Variants in KIF3B observed in about 807,000 individuals in gnomAD.
KIF3B encodes kinesin family member 3B, also known as kinesin-like protein KIF3B.
KIF3B carries 38 observed loss-of-function variants against 74.3 expected under a neutral mutation model. The observed-to-expected ratio is 0.51, with a 90% CI of 0.39 to 0.67. The LOEUF is 0.67. Ranked by LOEUF, KIF3B falls within the 30% of genes least tolerant of loss-of-function variation. KIF3B has a pLI of 0.00. For synonymous variants in KIF3B, 326 were observed against 342.5 expected, an observed-to-expected ratio of 0.95 and a Z score of 0.53; for missense variants, 649 against 932.0, an observed-to-expected ratio of 0.70 and a Z score of 3.95.
At chr20:32,293,961 T>C (rs976691149) in intron 1 of KIF3B, among the ~76,000 whole-genome samples, 62 of 152,184 alleles carry the variant, frequency 4.1e-4, no homozygotes, top group African/African-American at 1.5e-3. Context: ...TCGTGTAACC[T>C]TGGGCAAATT....
chr20:32,284,472 A>G (rs2047658454), intron 1 of KIF3B, among the ~76,000 whole-genome samples: 1 of 152,160 alleles, frequency 6.6e-6, no homozygotes, highest in African/African-American at 2.4e-5. Flanking sequence ...CAGATGTACC[A>G]TGTCCCCAGG....
intron 2 of KIF3B, among the ~76,000 whole-genome samples, chr20:32,315,720 T>A (rs987099745): frequency 1.3e-5 from 2 of 152,034 alleles, no homozygotes; most frequent in African/African-American, 4.8e-5. Flanking sequence ...CTTTAAAAAA[T>A]TTTAAAAAAT....
At chr20:32,285,792 C>T (rs375023090) in intron 1 of KIF3B, among the ~76,000 whole-genome samples, 1 of 152,170 alleles carries the variant, frequency 6.6e-6, no homozygotes, top group Non-Finnish European at 1.5e-5. Flanking sequence ...TTCTCCCAGA[C>T]CTTTCGGGTG....
chr20:32,315,522 T>C (rs927709373), intron 2 of KIF3B, among the ~76,000 whole-genome samples: 12 of 151,982 alleles, frequency 7.9e-5, no homozygotes, highest in African/African-American at 2.7e-4. Flanking sequence ...CCAGACAACA[T>C]AGCAAGATTT....
intron 5 of KIF3B, among the ~76,000 whole-genome samples, chr20:32,323,138 A>ATATATTTATATATT (rs59041472): frequency 2.0e-4 from 19 of 93,502 alleles, no homozygotes; most frequent in Non-Finnish European, 3.1e-4. Flanking sequence ...ATATATTTAC[A>ATATATTTATATATT]TATATTTATA....
chr20:32,305,248 G>A (rs2047764280), intron 1 of KIF3B, among the ~76,000 whole-genome samples: 1 of 151,860 alleles, frequency 6.6e-6, no homozygotes. Flanking sequence ...TATAGTCCCA[G>A]CTACTTGGGA....
At chr20:32,305,858 A>C (rs1366347756) in intron 1 of KIF3B, among the ~76,000 whole-genome samples, 1 of 151,520 alleles carries the variant, frequency 6.6e-6, no homozygotes, top group Non-Finnish European at 1.5e-5. Flanking sequence ...CTGGGATTAC[A>C]GGTGTGAGCC....
intron 5 of KIF3B, among the ~76,000 whole-genome samples, chr20:32,317,845 T>TA (rs2047836237): frequency 6.6e-6 from 1 of 152,116 alleles, no homozygotes; most frequent in South Asian, 2.1e-4. Context: ...CTCTCTATGT[T>TA]ACCTAAGCTG....
chr20:32,280,101 A>G lies in KIF3B; in HGVS notation c.-66+2336A>G, dbSNP rs896775832. On this transcript the variant is annotated intron_variant, in intron 1 of 8. Transcript: ENST00000375712. ...GTTTCCTCATCTGTAAAATGGGGATAGTAATAGGCCTTATTACCTGTGGCC... is the reference window on the plus strand; with the variant it reads ...GTTTCCTCATCTGTAAAATGGGGATGGTAATAGGCCTTATTACCTGTGGCC... 4.7e-4 allele frequency among the ~76,000 whole-genome samples: 71 copies of G among 152,352 alleles called. 1 individual carries two copies. Among genetic ancestry groups the G allele is most frequent in the African/African-American group, 1.6e-3 (68 of 41,588 alleles).
At chr20:32,292,543 GC>G (rs1265652844) in intron 1 of KIF3B, among the ~76,000 whole-genome samples, 1 of 137,634 alleles carries the variant, frequency 7.3e-6, no homozygotes, top group African/African-American at 2.8e-5. Flanking sequence ...TTTGAGACCA[GC>G]CTGGCCAACA....
Position 32,310,827 on chromosome 20 carries a change from C to T in KIF3B, c.1050C>T (p.Pro350=), listed in dbSNP as rs1251132208. ...ACAAACCAAGGGTCAATGAGGACCC[C>T]AAGGATGCCCTCCTTCGAGAATTCC... is the stretch of plus-strand genomic sequence containing the variant. The part of the protein sequence containing the change: ...IKNKPRVNED[P]KDALLREFQE... Residue 350 remains proline, a synonymous_variant, in exon 2 of 9, where the codon CCC becomes CCT. Coordinates refer to ENST00000375712, the MANE Select transcript of KIF3B (RefSeq NM_004798.4). The surrounding 1 kb of genome is among the most constrained non-coding windows in gnomAD (Gnocchi z 6.5). The T allele has an allele frequency of 6.2e-7, 1 of 1,613,906 alleles. No homozygotes were observed. The highest frequency in any genetic ancestry group is 1.6e-4 in the Middle Eastern group (1 of 6,084).
rs747405711 is a variant in KIF3B, at chr20:32,311,094, G to A, written c.1317G>A (p.Lys439=). Residue 439 remains lysine (K), a synonymous_variant, in exon 2 of 9, where the codon AAG becomes AAA. Transcript: ENST00000375712. ...ATCACAGCTTGGTTGCAGAGGAGAA[G>A]ATGAGGCTGCTGAAGGAGAAAGAGA... ...VEDHSLVAEE[K]MRLLKEKEKK... is the part of the protein sequence containing the mutation. 1.7e-5 allele frequency: 28 copies of A among 1,613,794 alleles called. No homozygotes were observed. Among genetic ancestry groups the A allele is most frequent in the Non-Finnish European group, 3.4e-6 (4 of 1,179,964 alleles).
rs879739181 is a variant in KIF3B, at chr20:32,305,750, A to ATT, written c.-65-3951_-65-3950dup. Among the ~76,000 whole-genome samples the ATT allele has an allele frequency of 3.6e-5, 5 of 138,740 alleles. No homozygotes were observed. In the East Asian group the frequency reaches 6.3e-4, roughly 18 times the overall value. The allele number at this position is 138,740 out of a possible 152,430, so 91.0% of individuals were successfully genotyped here. Reference sequence around the variant, plus strand: ...CCACCATGCCCGGCTAAATTTTTGTATTTTTTTTTTTTTAGTACAGATGGT... The same window carrying ATT: ...CCACCATGCCCGGCTAAATTTTTGTATTTTTTTTTTTTTTTAGTACAGATGGT... On this transcript the variant is annotated intron_variant, in intron 1 of 8. Coordinates refer to ENST00000375712, the MANE Select transcript of KIF3B (RefSeq NM_004798.4).
chr20:32,326,742 G>A (rs766287121), intron 5 of KIF3B, 29 bp from the exon 6 acceptor site: 1 of 887,994 alleles, frequency 1.1e-6, no homozygotes, highest in Non-Finnish European at 1.8e-6. Context: ...TTCTGTATCT[G>A]TTTTCACCTG....
chr20:32,321,588 A>G (rs1259043636), intron 5 of KIF3B, among the ~76,000 whole-genome samples: 1 of 152,138 alleles, frequency 6.6e-6, no homozygotes, highest in Non-Finnish European at 1.5e-5. Context: ...AGGAAGTGTG[A>G]GTCCTCCAGC....
At chr20:32,289,492 A>T (rs746551844) in intron 1 of KIF3B, among the ~76,000 whole-genome samples, 7 of 152,112 alleles carry the variant, frequency 4.6e-5, no homozygotes, top group Non-Finnish European at 7.4e-5. Context: ...ATGCTCGGCC[A>T]CTAGTCTATT....
chr20:32,283,206 T>A (rs975590909), intron 1 of KIF3B, among the ~76,000 whole-genome samples: 3 of 151,002 alleles, frequency 2.0e-5, no homozygotes, highest in East Asian at 1.9e-4. Context: ...CTGGCTAATT[T>A]AAAAAAAAAT....
intron 1 of KIF3B, among the ~76,000 whole-genome samples, chr20:32,292,577 A>G (rs1481668580): frequency 1.4e-5 from 2 of 142,232 alleles, no homozygotes; most frequent in Non-Finnish European, 3.0e-5. Flanking sequence ...GTCTCTACTA[A>G]AAATAGAAAA....
chr20:32,316,962 TTGG>T, intron 5 of KIF3B, 88 bp downstream of exon 5: 2 of 1,024,346 alleles, frequency 2.0e-6, no homozygotes, highest in South Asian at 2.6e-5. Context: ...CTGGCTGGGC[TTGG>T]TGGCCTACGC....
Sources: gnomAD v4.1 joint callset for allele counts (sites outside exome capture counted in the v4.1 genomes callset) on GRCh38, gnomAD v4.1.1 for gene constraint, Gnocchi (gnomAD v3.1) non-coding constraint, MANE v1.5 for transcripts, NCBI Gene and HGNC (gene_info 2026-07-23, HGNC 2026-07-21) for gene names.